The following IL16 variants were observed in gnomAD, a reference collection of about 807,000 sequenced individuals.
The protein encoded by IL16 is interleukin 16.
IL16 carries 67 observed loss-of-function variants against 110.1 expected under a neutral mutation model. That is an observed-to-expected ratio of 0.61 (90% confidence interval 0.50 to 0.75). The LOEUF (loss-of-function observed/expected upper bound fraction) is 0.75, where lower values mean the gene tolerates loss of function less well. Among genes scored for constraint, IL16 ranks in the 30% least tolerant of loss-of-function variants. IL16 has a pLI of 0.00. For synonymous variants in IL16, 689 were observed against 662.9 expected, an observed-to-expected ratio of 1.04 and a Z score of -0.61; for missense variants, 1,545 against 1,655.0, an observed-to-expected ratio of 0.93 and a Z score of 1.15.
At chr15:81,274,747 G>A (rs988081019) in intron 6 of IL16, among the ~76,000 whole-genome samples, 5 of 152,204 alleles carry the variant, frequency 3.3e-5, no homozygotes, top group Non-Finnish European at 7.3e-5. Context: ...GTGTGGAGTG[G>A]TTGCAGCTCA....
chr15:81,199,577 G>A (rs1895735621), intron 1 of IL16, among the ~76,000 whole-genome samples: 1 of 152,204 alleles, frequency 6.6e-6, no homozygotes, highest in Non-Finnish European at 1.5e-5. Flanking sequence ...CTTGGCATGT[G>A]CAGCTGGGAT....
intron 1 of IL16, among the ~76,000 whole-genome samples, chr15:81,198,906 G>C (rs1895698858): frequency 6.6e-6 from 1 of 150,622 alleles, no homozygotes; most frequent in Non-Finnish European, 1.5e-5. Context: ...TGTAATCCCA[G>C]CTACTCAAGA....
At chr15:81,189,752 CA>C (rs1417098294) in intron 1 of IL16, among the ~76,000 whole-genome samples, 7 of 152,304 alleles carry the variant, frequency 4.6e-5, no homozygotes, top group Admixed American at 3.9e-4. Context: ...TGGAAGGATG[CA>C]CGAAGCATCT....
At chr15:81,207,693 G>A (rs1171052611) in intron 1 of IL16, among the ~76,000 whole-genome samples, 1 of 152,120 alleles carries the variant, frequency 6.6e-6, no homozygotes, top group African/African-American at 2.4e-5. Context: ...TTGCTGCAAA[G>A]GACATGATTT....
intron 1 of IL16, among the ~76,000 whole-genome samples, chr15:81,212,083 C>A (rs542673860): frequency 1.1e-3 from 171 of 150,856 alleles, no homozygotes; most frequent in African/African-American, 4.0e-3. Flanking sequence ...GATACCAGTT[C>A]TTTGTACATC....
chr15:81,293,882 A>G (rs937355051), intron 12 of IL16, among the ~76,000 whole-genome samples: 5 of 152,074 alleles, frequency 3.3e-5, no homozygotes, highest in Non-Finnish European at 5.9e-5. Flanking sequence ...TCTTACAACC[A>G]CCTGATGGTG....
intron 1 of IL16, among the ~76,000 whole-genome samples, chr15:81,218,607 G>A (rs1040491329): frequency 1.3e-5 from 2 of 152,136 alleles, no homozygotes; most frequent in Admixed American, 6.5e-5. Flanking sequence ...GAAATCAAGT[G>A]TAGGAAATTA....
intron 1 of IL16, among the ~76,000 whole-genome samples, chr15:81,213,385 A>G (rs539392269): frequency 1.3e-5 from 2 of 152,172 alleles, no homozygotes; most frequent in Non-Finnish European, 2.9e-5. Context: ...GTGGAGTTCT[A>G]TAGATGTCTA....
At chr15:81,288,556 C>T (rs1053515219) in intron 10 of IL16, among the ~76,000 whole-genome samples, 3 of 152,162 alleles carry the variant, frequency 2.0e-5, no homozygotes, top group African/African-American at 7.2e-5. Context: ...TGCCACCATC[C>T]GTCTCCAGAA....
Position 81,200,762 on chromosome 15 carries a change from T to G in IL16, c.-102+3610T>G, listed in dbSNP as rs866918792. On this transcript the variant is annotated intron_variant, in intron 1 of 18. Transcript: ENST00000683961. ...AAATGTGTCAGGAGAGTATTGTAAC[T>G]GAAATATTCCTGATCTTCTCTTTCA... is the stretch of plus-strand genomic sequence containing the variant. 4.6e-5 allele frequency among the ~76,000 whole-genome samples: 7 copies of G among 152,202 alleles called. No homozygotes were observed. The South Asian group carries it at 1.4e-3, about 32-fold the overall frequency.
chr15:81,285,960 A>G (rs180954053), intron 10 of IL16, 130 bp downstream of exon 10: 4 of 945,084 alleles, frequency 4.2e-6, no homozygotes, highest in South Asian at 1.6e-5. Context: ...ATCCCTTCCA[A>G]GTTTCTGTAG....
At chr15:81,226,418 A>T (rs936862186) in intron 2 of IL16, among the ~76,000 whole-genome samples, 1 of 152,242 alleles carries the variant, frequency 6.6e-6, no homozygotes, top group Non-Finnish European at 1.5e-5. Flanking sequence ...TGTGGCTTCT[A>T]TCAAAGGTGA....
At chr15:81,271,785 C>T (rs1446423594) in intron 5 of IL16, among the ~76,000 whole-genome samples, 2 of 152,212 alleles carry the variant, frequency 1.3e-5, no homozygotes, top group African/African-American at 4.8e-5. Flanking sequence ...CCTGCCCATC[C>T]TGGAACACAC....
chr15:81,190,360 G>A (rs578219005), intron 1 of IL16, among the ~76,000 whole-genome samples: 1 of 152,334 alleles, frequency 6.6e-6, no homozygotes, highest in South Asian at 2.1e-4. Flanking sequence ...ATGTGATAGG[G>A]CTGAAGGGGA....
chr15:81,292,456 G>A (rs753023570), intron 11 of IL16, 100 bp from the exon 12 acceptor site: 15 of 1,536,992 alleles, frequency 9.8e-6, no homozygotes, highest in South Asian at 4.5e-5. Context: ...GCAGATGGCC[G>A]ATGTGCAGTG....
rs192909237 is a variant in IL16 at position 81,228,351 on chromosome 15, C to T, written c.312+2640C>T. Among the ~76,000 whole-genome samples, 565 of 147,278 alleles carry T rather than the reference C, an allele frequency of 3.8e-3. 3 individuals carry two copies. Among genetic ancestry groups the T allele is most frequent in the Middle Eastern group, 0.011 (3 of 270 alleles). On this transcript the variant is annotated intron_variant, in intron 2 of 18. Coordinates refer to ENST00000683961, the MANE Select transcript of IL16 (RefSeq NM_172217.5). Reference sequence around the variant, plus strand: ...TTTTTTTTTTTTTGAGACGGAGTCTCGCTCTGTTGCCCAGGCTGGAGTACA... The same window carrying T: ...TTTTTTTTTTTTTGAGACGGAGTCTTGCTCTGTTGCCCAGGCTGGAGTACA...
chr15:81,252,195 C>T (rs1380012478), intron 2 of IL16, among the ~76,000 whole-genome samples: 1 of 152,096 alleles, frequency 6.6e-6, no homozygotes, highest in Non-Finnish European at 1.5e-5. Context: ...TACCAGGATT[C>T]ACTGGTAGGA....
At chr15:81,233,233 G>C (rs564169285) in intron 2 of IL16, among the ~76,000 whole-genome samples, 240 of 152,220 alleles carry the variant, frequency 1.6e-3, no homozygotes, top group Non-Finnish European at 3.0e-3. Flanking sequence ...GAAAGATCCT[G>C]TGTACCTTTT....
Position 81,297,053 on chromosome 15 carries a change from G to C in IL16, c.2028G>C (p.Glu676Asp), listed in dbSNP as rs1374345301. The C allele has an allele frequency of 1.2e-6, 2 of 1,613,174 alleles. No homozygotes were observed. The highest frequency in any genetic ancestry group is 2.7e-5 in the African/African-American group (2 of 74,848). ...AGACCAAGTCCTCCACAGAGGGCGA[G>C]CCAGGGTGGAGAAGAGCCAGCCCAG... is the stretch of plus-strand genomic sequence containing the variant. ...GPQTKSSTEG[E>D]PGWRRASPVT... is the part of the protein sequence containing the mutation. Residue 676 changes from glutamate to aspartate, a missense_variant, in exon 13 of 19, where the codon GAG becomes GAC. Transcript: ENST00000683961.
Sources: gnomAD v4.1 joint callset for allele counts (sites outside exome capture counted in the v4.1 genomes callset) on GRCh38, gnomAD v4.1.1 for gene constraint, MANE v1.5 for transcripts, NCBI Gene and HGNC (gene_info 2026-07-23, HGNC 2026-07-21) for gene names.